The following PPP1R1C variants were observed in gnomAD, a reference collection of about 807,000 sequenced individuals.
PPP1R1C encodes the protein protein phosphatase 1 regulatory inhibitor subunit 1C, also known as protein phosphatase 1 regulatory subunit 1C.
PPP1R1C carries 15 observed loss-of-function variants against 17.4 expected under a neutral mutation model. The ratio of observed to expected loss-of-function variants is 0.86; its 90% CI spans 0.58 to 1.33. The LOEUF (loss-of-function observed/expected upper bound fraction) is 1.33. Among genes scored for constraint, PPP1R1C ranks in the 40% most tolerant of loss-of-function variants. The probability of loss-of-function intolerance (pLI) is 0.00; values close to 1 mark genes in which losing one functional copy is unlikely to be tolerated. For missense variants in PPP1R1C, 143 were observed against 130.0 expected (o/e 1.10, Z -0.48); for synonymous variants, 35 against 43.1 (o/e 0.81, Z 0.73).
At position 182,117,375 on chromosome 2, in the gene PPP1R1C, T is replaced by C. The variant is rs1000636217; in HGVS notation, c.*80T>C. ...TGAGTATACCATGGAATTCCACTGC[T>C]TGACTTCCAGAAGCATCCTCCATCT... On this transcript the variant is annotated 3_prime_UTR_variant, in exon 5 of 5. Coordinates refer to ENST00000682840, the MANE Select transcript of PPP1R1C (RefSeq NM_001080545.3). 19 of 1,027,904 alleles carry C rather than the reference T, an allele frequency of 1.8e-5. No individual in the cohort carries two copies. Among genetic ancestry groups the C allele is most frequent in the East Asian group, 1.0e-4 (4 of 38,362 alleles). 63.7% of individuals were successfully genotyped at this position (1,027,904 alleles called of 1,614,324 possible). A position where few individuals can be genotyped will look rare whatever the true frequency, so the allele number is the denominator to read the frequency against.
intron 1 of PPP1R1C, among the ~76,000 whole-genome samples, chr2:181,974,760 T>G (rs1187678997): frequency 6.6e-6 from 1 of 152,224 alleles, no homozygotes; most frequent in African/African-American, 2.4e-5. Context: ...TAAATCAGAA[T>G]GCTCACTGGT....
upstream of PPP1R1C, among the ~76,000 whole-genome samples, chr2:181,985,643 G>C (rs1248429837): frequency 6.6e-6 from 1 of 152,136 alleles, no homozygotes; most frequent in African/African-American, 2.4e-5. The surrounding 1 kb of genome is among the most constrained non-coding windows in gnomAD (Gnocchi z 4.1). Flanking sequence ...CTTCCTGCTT[G>C]ATGTTCATCA....
rs550751175 is a variant in PPP1R1C, at chr2:182,031,202, C to G, written c.143-30240C>G. Among the ~76,000 whole-genome samples the G allele has an allele frequency of 1.2e-3, 181 of 152,290 alleles. 1 individual carries two copies. The highest frequency in any genetic ancestry group is 4.2e-3 in the African/African-American group (173 of 41,562). ...ATAGCTCACGCTGGGAGCTGTAGAC[C>G]GGAGCTGTTCCTATTCGGCCATCTT... On this transcript the variant is annotated intron_variant, in intron 2 of 4. Coordinates refer to ENST00000682840, the MANE Select transcript of PPP1R1C (RefSeq NM_001080545.3).
Position 182,124,407 on chromosome 2 carries a change from A to T in PPP1R1C, c.*7-4567A>T, listed in dbSNP as rs185737084. 5.2e-5 allele frequency among the ~76,000 whole-genome samples: 7 copies of T among 134,234 alleles called. No homozygotes were observed. The East Asian group carries it at 1.5e-3, about 29-fold the overall frequency. 88.1% of individuals were successfully genotyped at this position (134,234 alleles called of 152,430 possible). On this transcript the variant is annotated intron_variant, in intron 5 of 5. Coordinates refer to the PPP1R1C transcript ENST00000280295. ...TTTTTTTGGTTCCATATCAAGTTTA[A>T]AGTAGTTTTTTTCTAATTCTATGAA... is the stretch of plus-strand genomic sequence containing the variant.
chr2:182,109,410 C>T (rs1559096675), intron 4 of PPP1R1C, among the ~76,000 whole-genome samples: 1 of 152,162 alleles, frequency 6.6e-6, no homozygotes, highest in Non-Finnish European at 1.5e-5. Flanking sequence ...ACCTAAAAAG[C>T]CATCCCCATA....
At chr2:181,986,216 A>C (rs1342441132) in intron 1 of PPP1R1C, 25 bp downstream of exon 1, 1 of 1,523,506 alleles carries the variant, frequency 6.6e-7, no homozygotes, top group South Asian at 1.1e-5. Context: ...ATGGAGAACC[A>C]TTCCTGTACA....
intron 5 of PPP1R1C, among the ~76,000 whole-genome samples, chr2:182,127,048 A>G (rs1689891999): frequency 6.6e-6 from 1 of 152,128 alleles, no homozygotes; most frequent in African/African-American, 2.4e-5. Flanking sequence ...GAATCCCAGC[A>G]GTATATAAAA....
intron 2 of PPP1R1C, among the ~76,000 whole-genome samples, chr2:182,008,574 T>A (rs893998787): frequency 6.6e-6 from 1 of 152,196 alleles, no homozygotes; most frequent in African/African-American, 2.4e-5. Context: ...ATTTATGGGG[T>A]ACATGGGATA....
intron 4 of PPP1R1C, among the ~76,000 whole-genome samples, chr2:182,076,197 C>CTTTTCTTTTTTTTTTTTTTTTTTTTTTT (rs1688299165): frequency 3.9e-5 from 1 of 25,850 alleles, no homozygotes; most frequent in African/African-American, 2.1e-4. Flanking sequence ...TTTTTCTTTT[C>CTTTTCTTTTTTTTTTTTTTTTTTTTTTT]TTTTTTTTTT....
At chr2:182,032,227 A>G (rs1006484347) in intron 2 of PPP1R1C, among the ~76,000 whole-genome samples, 2 of 152,216 alleles carry the variant, frequency 1.3e-5, no homozygotes, top group African/African-American at 4.8e-5. Flanking sequence ...GAGTTAACAT[A>G]TTGGTTTCAT....
intron 4 of PPP1R1C, among the ~76,000 whole-genome samples, chr2:182,067,039 G>C (rs989094990): frequency 6.6e-6 from 1 of 151,848 alleles, no homozygotes; most frequent in African/African-American, 2.4e-5. Flanking sequence ...AGCAAAGTAA[G>C]TGCTATTGAT....
chr2:181,979,386 G>C (rs1334622406), intron 2 of PPP1R1C, among the ~76,000 whole-genome samples: 1 of 151,928 alleles, frequency 6.6e-6, no homozygotes, highest in Non-Finnish European at 1.5e-5. Context: ...CTTTATTTGA[G>C]GCTTTTTTTC....
rs1170142409 is a variant in PPP1R1C, at chr2:181,967,392, G to A, written n.112-7827G>A. The stretch of plus-strand genomic sequence containing the variant: ...ATCTTTAACAGGCATTGTAAGGTTG[G>A]TCATGTGAAGATTTTCCACTTTGTT... On this transcript the variant is annotated intron_variant and non_coding_transcript_variant, in intron 1 of 5. Transcript: ENST00000464264. This position sits in a 1 kb window ranked among gnomAD's most constrained non-coding sequence, Gnocchi z 5.5. 1.3e-5 allele frequency among the ~76,000 whole-genome samples: 2 copies of A among 151,964 alleles called. No homozygotes were observed. The highest frequency in any genetic ancestry group is 2.9e-5 in the Non-Finnish European group (2 of 67,974).
intron 2 of PPP1R1C, among the ~76,000 whole-genome samples, chr2:182,030,524 C>T (rs377598571): frequency 2.7e-5 from 4 of 150,126 alleles, no homozygotes; most frequent in South Asian, 2.2e-4. Flanking sequence ...TTAGGCTGCT[C>T]GGGGGTCAGG....
chr2:182,096,676 C>G (rs1425883810), intron 4 of PPP1R1C, among the ~76,000 whole-genome samples: 2 of 133,158 alleles, frequency 1.5e-5, no homozygotes, highest in African/African-American at 4.9e-5. Flanking sequence ...TTCCCTTCCT[C>G]CAGATGATTA....
At chr2:181,964,677 T>TC (rs1684875453) in intron 1 of PPP1R1C, among the ~76,000 whole-genome samples, 1 of 151,878 alleles carries the variant, frequency 6.6e-6, no homozygotes, top group Non-Finnish European at 1.5e-5. Context: ...TTGGGTGAGA[T>TC]GACATCTCAC....
At chr2:182,009,623 CT>C (rs765955167) in intron 2 of PPP1R1C, among the ~76,000 whole-genome samples, 1 of 151,968 alleles carries the variant, frequency 6.6e-6, no homozygotes, top group Non-Finnish European at 1.5e-5. Flanking sequence ...CAGAAGCTTT[CT>C]AACTGGATAT....
intron 4 of PPP1R1C, among the ~76,000 whole-genome samples, chr2:182,112,070 T>A (rs1224813694): frequency 1.3e-5 from 2 of 152,202 alleles, no homozygotes; most frequent in African/African-American, 4.8e-5. Flanking sequence ...TACTGATCCA[T>A]AGCGCTTCTT....
intron 3 of PPP1R1C, among the ~76,000 whole-genome samples, chr2:182,063,400 G>A (rs908743136): frequency 1.3e-5 from 2 of 151,842 alleles, no homozygotes; most frequent in Non-Finnish European, 2.9e-5. Context: ...AACTCAGACT[G>A]TTTTTCTCTC....
Sources: gnomAD v4.1 joint callset for allele counts (sites outside exome capture counted in the v4.1 genomes callset) on GRCh38, gnomAD v4.1.1 for gene constraint, Gnocchi (gnomAD v3.1) non-coding constraint, MANE v1.5 for transcripts, NCBI Gene and HGNC (gene_info 2026-07-23, HGNC 2026-07-21) for gene names.